Variants in XIRP2 observed in about 807,000 individuals in gnomAD.
XIRP2 encodes xin actin-binding repeat-containing protein 2.
Under a neutral mutation model 277.0 loss-of-function variants are expected in XIRP2, and 236 were observed. That is an observed-to-expected ratio of 0.85 (90% confidence interval 0.77 to 0.95). The LOEUF (loss-of-function observed/expected upper bound fraction) is 0.95. XIRP2 is among the 40% of genes least tolerant of loss of function. The pLI, the probability that XIRP2 is intolerant of heterozygous loss-of-function variation, is 0.00. For missense variants in XIRP2, 4,640 were observed against 4,157.5 expected (o/e 1.12, Z -3.19); for synonymous variants, 1,490 against 1,416.5 (o/e 1.05, Z -1.17).
At chr2:167,241,377 G>T (rs1252752740) in intron 7 of XIRP2, among the ~76,000 whole-genome samples, 3 of 151,982 alleles carry the variant, frequency 2.0e-5, no homozygotes, top group African/African-American at 7.2e-5. Context: ...TTTTTCCTGA[G>T]CATAAAAGTA....
chr2:166,983,875 G>A (rs558801453), intron 2 of XIRP2, among the ~76,000 whole-genome samples: 1 of 152,234 alleles, frequency 6.6e-6, no homozygotes, highest in Admixed American at 6.5e-5. Flanking sequence ...TGACAGTCTG[G>A]TGCTAATTAT....
intron 3 of XIRP2, among the ~76,000 whole-genome samples, chr2:167,145,572 A>G (rs1388532785): frequency 6.6e-6 from 1 of 152,238 alleles, no homozygotes; most frequent in Non-Finnish European, 1.5e-5. Context: ...AGAAATGTCC[A>G]GATGTGGGAA....
chr2:167,189,119 A>G (rs544659972), intron 3 of XIRP2, among the ~76,000 whole-genome samples: 11 of 152,320 alleles, frequency 7.2e-5, no homozygotes, highest in African/African-American at 2.4e-4. Context: ...ACCATGTTTG[A>G]AAAACTTCTC....
At chr2:167,010,016 G>GT (rs1687621103) in intron 2 of XIRP2, among the ~76,000 whole-genome samples, 1 of 151,962 alleles carries the variant, frequency 6.6e-6, no homozygotes, top group Non-Finnish European at 1.5e-5. Context: ...TTTGTAGGTT[G>GT]CCTGTTCACG....
chr2:167,247,877 G>GT lies in XIRP2; in HGVS notation c.6486dup (p.Pro2163SerfsTer34). 1 of 1,613,550 alleles carries GT rather than the reference G, an allele frequency of 6.2e-7. No homozygotes were observed. Among genetic ancestry groups the GT allele is most frequent in the Non-Finnish European group, 8.5e-7 (1 of 1,179,756 alleles). Reference sequence around the variant, plus strand: ...ACTGATACACAAAGCTCCAAGCCCAGTCCCACCCAGCATCCAGTCAGCATG... The same window carrying GT: ...ACTGATACACAAAGCTCCAAGCCCAGTTCCCACCCAGCATCCAGTCAGCATG... On this transcript the variant is annotated frameshift_variant, in exon 9 of 11. Transcript: ENST00000409195. LOFTEE classifies it high-confidence loss of function.
At chr2:167,218,823 T>G (rs545859517) in intron 5 of XIRP2, among the ~76,000 whole-genome samples, 1 of 152,302 alleles carries the variant, frequency 6.6e-6, no homozygotes, top group South Asian at 2.1e-4. Flanking sequence ...ATATAAATTT[T>G]TTTCCCATTT....
intron 2 of XIRP2, among the ~76,000 whole-genome samples, chr2:167,098,704 G>C (rs1442748342): frequency 6.6e-6 from 1 of 152,132 alleles, no homozygotes; most frequent in Non-Finnish European, 1.5e-5. Flanking sequence ...CTTTGCTGTT[G>C]GTGACCTTCA....
intron 1 of XIRP2, among the ~76,000 whole-genome samples, chr2:166,893,509 T>C (rs1245060993): frequency 6.6e-6 from 1 of 152,192 alleles, no homozygotes. Context: ...ATATTTACCA[T>C]TTCACATGGC....
chr2:166,928,105 A>G (rs1257712654), intron 2 of XIRP2, among the ~76,000 whole-genome samples: 1 of 152,162 alleles, frequency 6.6e-6, no homozygotes, highest in African/African-American at 2.4e-5. Context: ...TACAGAGAAG[A>G]TAATCCTTTT....
intron 2 of XIRP2, among the ~76,000 whole-genome samples, chr2:167,018,324 C>T (rs1239109190): frequency 6.6e-6 from 1 of 151,994 alleles, no homozygotes; most frequent in Non-Finnish European, 1.5e-5. Flanking sequence ...CCCTATTTTC[C>T]TTGCACCACT....
intron 3 of XIRP2, among the ~76,000 whole-genome samples, chr2:167,178,056 G>A (rs898622401): frequency 2.7e-5 from 4 of 150,916 alleles, no homozygotes; most frequent in African/African-American, 9.7e-5. Context: ...AAAAGCAAAT[G>A]TGGAGCACTG....
At chr2:167,134,882 G>A (rs1434940014) in intron 2 of XIRP2, among the ~76,000 whole-genome samples, 2 of 152,048 alleles carry the variant, frequency 1.3e-5, no homozygotes, top group African/African-American at 4.8e-5. Flanking sequence ...TGGGTAGTAT[G>A]GACAAACAAA....
chr2:167,021,483 A>G (rs542140428), intron 2 of XIRP2, among the ~76,000 whole-genome samples: 3 of 152,222 alleles, frequency 2.0e-5, no homozygotes, highest in South Asian at 2.1e-4. Flanking sequence ...TACTTTTGGT[A>G]TACTACTTTC....
intron 3 of XIRP2, among the ~76,000 whole-genome samples, chr2:167,148,393 G>GAAAGAAAGAA (rs531900082): frequency 7.4e-6 from 1 of 134,872 alleles, no homozygotes; most frequent in Non-Finnish European, 1.6e-5. Context: ...AAGAAGAAAA[G>GAAAGAAAGAA]AAAGAAAGAA....
intron 2 of XIRP2, among the ~76,000 whole-genome samples, chr2:166,988,695 A>T (rs1208305317): frequency 9.9e-6 from 1 of 100,748 alleles, no homozygotes; most frequent in Non-Finnish European, 2.0e-5. Flanking sequence ...AGTCAAAGAA[A>T]GGGGTGACGG....
chr2:167,182,220 A>G (rs780502104), intron 3 of XIRP2, among the ~76,000 whole-genome samples: 25 of 152,218 alleles, frequency 1.6e-4, no homozygotes, highest in Admixed American at 2.6e-4. Context: ...ACAAGGGTCA[A>G]AGCAGATTGC....
chr2:167,140,660 T>C (rs111470556), intron 3 of XIRP2: 3,728 of 152,318 alleles, frequency 0.024, 61 homozygotes, highest in East Asian at 0.049. Flanking sequence ...CAAATAATGT[T>C]ATTTTAGTTC....
At chr2:167,122,927 T>C (rs972760578) in intron 2 of XIRP2, among the ~76,000 whole-genome samples, 2 of 152,166 alleles carry the variant, frequency 1.3e-5, no homozygotes, top group Non-Finnish European at 2.9e-5. Flanking sequence ...TGGGACTGTG[T>C]GCCTTAATTT....
chr2:167,058,755 T>G (rs1030838626), intron 2 of XIRP2, among the ~76,000 whole-genome samples: 7 of 152,196 alleles, frequency 4.6e-5, no homozygotes, highest in African/African-American at 1.7e-4. Context: ...AATACCCCAT[T>G]GACGAAGGCA....
Sources: allele counts gnomAD v4.1 joint callset (sites outside exome capture counted in the v4.1 genomes callset), GRCh38; gene constraint gnomAD v4.1.1; transcripts MANE v1.5; gene names NCBI Gene and HGNC (gene_info 2026-07-23, HGNC 2026-07-21).